DDR2: variants seen among roughly 807,000 people sequenced by gnomAD.
The protein encoded by DDR2 is discoidin domain-containing receptor 2.
A neutral mutation model predicts 94.9 loss-of-function variants in DDR2; 27 were observed. That is an observed-to-expected ratio of 0.28 (90% CI 0.21 to 0.39). DDR2 has a LOEUF of 0.39. Among genes scored for constraint, DDR2 ranks in the 10% least tolerant of loss-of-function variants. The pLI, the probability that DDR2 is intolerant of heterozygous loss-of-function variation, is 1.00. For missense variants in DDR2, 783 were observed against 1,076.0 expected, an observed-to-expected ratio of 0.73 and a Z score of 3.81; for synonymous variants, 382 against 377.2, an observed-to-expected ratio of 1.01 and a Z score of -0.15.
At chr1:162,691,023 C>G (rs1028121033) in intron 2 of DDR2, among the ~76,000 whole-genome samples, 3 of 152,190 alleles carry the variant, frequency 2.0e-5, no homozygotes, top group Admixed American at 6.5e-5. Context: ...TCTTTCCCCC[C>G]CAGGGTATAG....
At chr1:162,732,600 G>A (rs1662109879) in intron 3 of DDR2, among the ~76,000 whole-genome samples, 2 of 152,202 alleles carry the variant, frequency 1.3e-5, no homozygotes, top group South Asian at 2.1e-4. Flanking sequence ...GGGCTCCAAC[G>A]TTTTATGATT....
chr1:162,671,804 T>C (rs1438173955), intron 2 of DDR2, among the ~76,000 whole-genome samples: 1 of 152,196 alleles, frequency 6.6e-6, no homozygotes, highest in African/African-American at 2.4e-5. Context: ...TTCCCTTTCC[T>C]GTCTCTGATA....
chr1:162,680,364 A>G (rs1023275228), intron 2 of DDR2, among the ~76,000 whole-genome samples: 1 of 152,212 alleles, frequency 6.6e-6, no homozygotes, highest in Non-Finnish European at 1.5e-5. Flanking sequence ...CTAGCCAGCT[A>G]TCTCAATATC....
At position 162,764,341 on chromosome 1, in the gene DDR2, A is replaced by G. The variant is rs147323569; in HGVS notation, c.1100-1660A>G. ...TGAAAAGTTAAAAGGTGTTTAGAAC[A>G]TTGTTCATACCATTAAATTTAAATG... On this transcript the variant is annotated intron_variant, in intron 9 of 17. Transcript: ENST00000367921. 2.4e-3 allele frequency among the ~76,000 whole-genome samples: 357 copies of G among 150,650 alleles called. 3 individuals carry two copies. The highest frequency in any genetic ancestry group is 8.3e-3 in the African/African-American group (342 of 41,142).
intron 1 of DDR2, among the ~76,000 whole-genome samples, chr1:162,644,947 T>G (rs977066856): frequency 2.0e-5 from 3 of 152,178 alleles, no homozygotes; most frequent in African/African-American, 7.2e-5. Context: ...GTAGAGTAAA[T>G]GGTGTCTCAC....
chr1:162,767,031 G>GAA lies in DDR2; in HGVS notation c.1163-188_1163-187dup, dbSNP rs5778290. 1.9e-3 allele frequency among the ~76,000 whole-genome samples: 252 copies of GAA among 135,178 alleles called. 1 individual carries two copies. The highest frequency in any genetic ancestry group is 4.1e-3 in the African/African-American group (150 of 36,512). 88.7% of individuals were successfully genotyped at this position (135,178 alleles called of 152,430 possible). On this transcript the variant is annotated intron_variant, in intron 10 of 17. Transcript: ENST00000367921. ...GGGACAGAACAAGACTCTATCTCAG[G>GAA]AAAAAAAAAAAGTAATAAAACAGTA...
Position 162,772,314 on chromosome 1 carries a change from A to G in DDR2, c.1728+67A>G, listed in dbSNP as rs142403150. The G allele has an allele frequency of 3.3e-6, 5 of 1,500,950 alleles. No individual in the cohort carries two copies. In the African/African-American group the frequency reaches 4.1e-5, roughly 12 times the overall value. The allele number at this position is 1,500,950 out of a possible 1,614,324, so 93.0% of individuals were successfully genotyped here. On this transcript the variant is annotated intron_variant, in intron 13 of 17. Coordinates refer to ENST00000367921, the MANE Select transcript of DDR2 (RefSeq NM_006182.4). The stretch of plus-strand genomic sequence containing the variant: ...GTTGGATAAAAATGATCAGTAGAAC[A>G]AAGAGTCCCTTCCAGAGGTGGATTC...
chr1:162,727,217 C>T (rs913374374), intron 3 of DDR2, among the ~76,000 whole-genome samples: 18 of 137,970 alleles, frequency 1.3e-4, no homozygotes, highest in African/African-American at 4.7e-4. Context: ...TAAATATAAA[C>T]ATATATTTAT....
At chr1:162,777,210 A>AT (rs948108518) in intron 16 of DDR2, among the ~76,000 whole-genome samples, 1 of 151,710 alleles carries the variant, frequency 6.6e-6, no homozygotes, top group East Asian at 1.9e-4. Flanking sequence ...TTCTTAGAGG[A>AT]TTTTTTTCTA....
At chr1:162,642,714 C>T (rs1657201315) in intron 1 of DDR2, among the ~76,000 whole-genome samples, 1 of 152,142 alleles carries the variant, frequency 6.6e-6, no homozygotes, top group African/African-American at 2.4e-5. Context: ...CTTGATCATA[C>T]TCCTTTCCTC....
At chr1:162,746,777 A>G (rs1647679431) in intron 3 of DDR2, among the ~76,000 whole-genome samples, 2 of 152,224 alleles carry the variant, frequency 1.3e-5, no homozygotes. Flanking sequence ...AAGCTTCCAG[A>G]GGAAGGATCA....
intron 3 of DDR2, among the ~76,000 whole-genome samples, chr1:162,727,976 T>TAG (rs1661786822): frequency 7.1e-6 from 1 of 141,038 alleles, no homozygotes; most frequent in Non-Finnish European, 1.5e-5. Context: ...TATATATATA[T>TAG]AGATATAATC....
At chr1:162,721,357 A>G (rs1177926021) in intron 3 of DDR2, among the ~76,000 whole-genome samples, 4 of 152,146 alleles carry the variant, frequency 2.6e-5, no homozygotes, top group Non-Finnish European at 5.9e-5. Context: ...GCTCTTTCTG[A>G]CAGGGAAAGA....
At chr1:162,766,149 G>C in intron 10 of DDR2, 86 bp downstream of exon 10, 2 of 1,447,762 alleles carry the variant, frequency 1.4e-6, no homozygotes, top group Non-Finnish European at 1.9e-6. Flanking sequence ...AGCCCTGGCT[G>C]TGTGGGAGGC....
intron 3 of DDR2, among the ~76,000 whole-genome samples, chr1:162,746,410 G>A (rs1374909300): frequency 1.3e-5 from 2 of 152,196 alleles, no homozygotes; most frequent in Non-Finnish European, 2.9e-5. Context: ...AGGTGGCAGC[G>A]AGGCTGGGGG....
In DDR2 at chr1:162,719,110, CT is replaced by C; in HGVS notation, c.48del (p.Ile17SerfsTer2). On this transcript the variant is annotated frameshift_variant, in exon 3 of 18. Coordinates refer to ENST00000367921, the MANE Select transcript of DDR2 (RefSeq NM_006182.4). LOFTEE classifies it high-confidence loss of function. Reference sequence around the variant, plus strand: ...CTCTTGGTGCTGTTCCTGCTGCTGCCTATCTTGAGTTCTGCAAAAGCTCAGG... The same window carrying C: ...CTCTTGGTGCTGTTCCTGCTGCTGCCATCTTGAGTTCTGCAAAAGCTCAGG... The part of the protein sequence containing the change: ...RMLLVLFLLL[P>X]ILSSAKAQVN... 1 of 1,613,816 alleles carries C rather than the reference CT, an allele frequency of 6.2e-7. No individual in the cohort carries two copies.
At chr1:162,695,445 G>A (rs1273672548) in intron 2 of DDR2, among the ~76,000 whole-genome samples, 1 of 152,080 alleles carries the variant, frequency 6.6e-6, no homozygotes, top group African/African-American at 2.4e-5. Context: ...TGGCCAGGCT[G>A]GTCTCAAACT....
intron 2 of DDR2, 86 bp from the exon 3 acceptor site, chr1:162,718,951 A>C: frequency 7.6e-7 from 1 of 1,310,708 alleles, no homozygotes; most frequent in South Asian, 1.2e-5. Context: ...AATTGTGAGA[A>C]TTGTACTCAT....
intron 16 of DDR2, among the ~76,000 whole-genome samples, chr1:162,777,444 T>G (rs1647631352): frequency 6.7e-6 from 1 of 149,306 alleles, no homozygotes; most frequent in Admixed American, 6.8e-5. Flanking sequence ...TACTTTCCAA[T>G]TTCCTGCTAT....
Sources: gnomAD v4.1 joint callset for allele counts (sites outside exome capture counted in the v4.1 genomes callset) on GRCh38, gnomAD v4.1.1 for gene constraint, MANE v1.5 for transcripts, NCBI Gene and HGNC (gene_info 2026-07-23, HGNC 2026-07-21) for gene names.